The following CRTAC1 variants were observed in gnomAD, a reference collection of about 807,000 sequenced individuals.
The protein encoded by CRTAC1 is acidic secreted protein in cartilage.
A neutral mutation model predicts 67.8 loss-of-function variants in CRTAC1; 37 were observed. The ratio of observed to expected loss-of-function variants is 0.55; its 90% CI spans 0.42 to 0.72. The LOEUF is 0.72. CRTAC1 is among the 30% of genes least tolerant of loss of function. CRTAC1 has a pLI of 0.00. For synonymous variants in CRTAC1, 348 were observed against 371.0 expected, an observed-to-expected ratio of 0.94 and a Z score of 0.71; for missense variants, 780 against 931.6, an observed-to-expected ratio of 0.84 and a Z score of 2.12.
chr10:98,011,250 C>G lies in CRTAC1; in HGVS notation c.112G>C (p.Val38Leu). 1 of 1,614,208 alleles carries G rather than the reference C, an allele frequency of 6.2e-7. No individual in the cohort carries two copies. The highest frequency in any genetic ancestry group is 2.2e-5 in the East Asian group (1 of 44,886). Residue 38 changes from valine to leucine, a missense_variant, in exon 2 of 15, where the codon GTC (valine) becomes CTC (leucine). Val to Leu is a conservative substitution (Grantham distance 32). Transcript: ENST00000370597. ...SQRAEPMFTA[V>L]TNSVLPPDYD... is the part of the protein sequence containing the mutation. ...TCAGGAGGCAGAACTGAGTTGGTGACTGCAGTGAACATGGGTTCAGCCCGC... is the reference window on the plus strand; with the variant it reads ...TCAGGAGGCAGAACTGAGTTGGTGAGTGCAGTGAACATGGGTTCAGCCCGC...
intron 1 of CRTAC1, among the ~76,000 whole-genome samples, chr10:98,024,830 G>C (rs1843195132): frequency 7.3e-6 from 1 of 137,198 alleles, no homozygotes; most frequent in Non-Finnish European, 1.5e-5. Flanking sequence ...CACTCATAGA[G>C]AGGCATGGGG....
chr10:97,906,338 C>A (rs1564888094), intron 6 of CRTAC1, among the ~76,000 whole-genome samples: 3 of 152,196 alleles, frequency 2.0e-5, no homozygotes. Context: ...ATCTATGAGG[C>A]ACCTTGACAA....
chr10:97,913,826 C>T (rs972260329), intron 5 of CRTAC1, among the ~76,000 whole-genome samples: 3 of 152,196 alleles, frequency 2.0e-5, no homozygotes, highest in African/African-American at 7.2e-5. Flanking sequence ...GGCCCCTTGG[C>T]CCCCACTCTG....
chr10:97,944,048 C>T (rs556474), intron 2 of CRTAC1, among the ~76,000 whole-genome samples: 69,966 of 152,024 alleles, frequency 0.46, 16,916 homozygotes, highest in African/African-American at 0.61. Flanking sequence ...TTCAGGGAGA[C>T]TGAAGGTTAA....
At chr10:97,872,787 G>A (rs538267354) in intron 14 of CRTAC1, among the ~76,000 whole-genome samples, 80 of 152,336 alleles carry the variant, frequency 5.3e-4, no homozygotes, top group African/African-American at 1.8e-3. Context: ...GGGCTCCCCA[G>A]TGCAGATCTA....
chr10:97,949,161 T>C (rs904347864), intron 2 of CRTAC1, among the ~76,000 whole-genome samples: 13 of 152,080 alleles, frequency 8.5e-5, no homozygotes, highest in African/African-American at 2.9e-4. Context: ...GCAAGAGATG[T>C]TGAAGGAGAA....
At chr10:98,000,654 A>G (rs1842670695) in intron 2 of CRTAC1, among the ~76,000 whole-genome samples, 1 of 152,254 alleles carries the variant, frequency 6.6e-6, no homozygotes, top group Non-Finnish European at 1.5e-5. Context: ...AAACTTGGGC[A>G]AAAGCGCCAC....
At chr10:97,938,452 G>A (rs369421410) in intron 2 of CRTAC1, among the ~76,000 whole-genome samples, 20 of 152,342 alleles carry the variant, frequency 1.3e-4, no homozygotes, top group African/African-American at 4.8e-4. Context: ...TCAGAAGGAA[G>A]GTAGGCAAAG....
intron 6 of CRTAC1, among the ~76,000 whole-genome samples, chr10:97,907,774 G>A (rs1448427110): frequency 6.6e-6 from 1 of 152,164 alleles, no homozygotes; most frequent in East Asian, 1.9e-4. Context: ...CTGGAAGATG[G>A]CAATTGGCAG....
At chr10:97,913,021 G>A (rs2050709508) in intron 5 of CRTAC1, among the ~76,000 whole-genome samples, 1 of 152,102 alleles carries the variant, frequency 6.6e-6, no homozygotes, top group African/African-American at 2.4e-5. Context: ...ACAGGATTCT[G>A]GTGAATGCCA....
At chr10:98,002,018 G>A (rs551523478) in intron 2 of CRTAC1, among the ~76,000 whole-genome samples, 68 of 152,350 alleles carry the variant, frequency 4.5e-4, no homozygotes, top group African/African-American at 1.6e-3. Context: ...AAGGCCCGTG[G>A]TGCAAGGCCA....
intron 2 of CRTAC1, among the ~76,000 whole-genome samples, chr10:98,002,769 T>G (rs1842716062): frequency 1.1e-5 from 1 of 90,376 alleles, no homozygotes; most frequent in African/African-American, 5.5e-5. Context: ...CACTTTTTTT[T>G]TTTTTTTTTT....
At chr10:97,994,596 G>A (rs895140159) in intron 2 of CRTAC1, among the ~76,000 whole-genome samples, 2 of 152,196 alleles carry the variant, frequency 1.3e-5, no homozygotes, top group Admixed American at 6.5e-5. Flanking sequence ...CTCTCTGGAT[G>A]TCATCGGCAT....
intron 1 of CRTAC1, among the ~76,000 whole-genome samples, chr10:98,028,981 A>G (rs1843299383): frequency 6.6e-6 from 1 of 152,148 alleles, no homozygotes; most frequent in Non-Finnish European, 1.5e-5. Flanking sequence ...GAAATGTTCT[A>G]ATTGTGGTCC....
At chr10:97,935,182 G>A (rs1173077887) in intron 3 of CRTAC1, among the ~76,000 whole-genome samples, 2 of 152,162 alleles carry the variant, frequency 1.3e-5, no homozygotes, top group Non-Finnish European at 2.9e-5. Flanking sequence ...CAAGCTGCAT[G>A]GCCTTGGGCA....
At chr10:97,985,707 C>T (rs1446244125) in intron 2 of CRTAC1, among the ~76,000 whole-genome samples, 1 of 152,150 alleles carries the variant, frequency 6.6e-6, no homozygotes, top group Non-Finnish European at 1.5e-5. Context: ...CCCAAGAAAA[C>T]CAGCCACAGC....
intron 3 of CRTAC1, among the ~76,000 whole-genome samples, chr10:97,923,696 T>A (rs2050873484): frequency 6.6e-6 from 1 of 152,090 alleles, no homozygotes; most frequent in South Asian, 2.1e-4. Flanking sequence ...GCAGCTGGAT[T>A]TCATGCCCTG....
chr10:98,011,460 T>A, intron 1 of CRTAC1, 123 bp from the exon 2 acceptor site: 1 of 1,129,128 alleles, frequency 8.9e-7, no homozygotes, highest in Non-Finnish European at 1.3e-6. Context: ...TGACAGTGCC[T>A]AGGCTGCTGG....
chr10:97,897,430 C>T (rs1232129621), intron 8 of CRTAC1, among the ~76,000 whole-genome samples: 1 of 152,206 alleles, frequency 6.6e-6, no homozygotes, highest in African/African-American at 2.4e-5. Context: ...TCTTCATGGG[C>T]TTTATTACTT....
Sources: gnomAD v4.1 joint callset for allele counts (sites outside exome capture counted in the v4.1 genomes callset) on GRCh38, gnomAD v4.1.1 for gene constraint, MANE v1.5 for transcripts, NCBI Gene and HGNC (gene_info 2026-07-23, HGNC 2026-07-21) for gene names.